The following ARHGAP15 variants were observed in gnomAD, a reference collection of about 807,000 sequenced individuals.
The protein encoded by ARHGAP15 is Rho GTPase activating protein 15, also known as rho GTPase-activating protein 15.
A neutral mutation model predicts 63.7 loss-of-function variants in ARHGAP15; 51 were observed. The ratio of observed to expected loss-of-function variants is 0.80; its 90% CI spans 0.64 to 1.01. The LOEUF (loss-of-function observed/expected upper bound fraction) is 1.01, where lower values mean the gene tolerates loss of function less well. ARHGAP15 is among the 50% of genes least tolerant of loss of function. The pLI, the probability that ARHGAP15 is intolerant of heterozygous loss-of-function variation, is 0.00. For synonymous variants in ARHGAP15, 191 were observed against 193.8 expected, an observed-to-expected ratio of 0.99 and a Z score of 0.12; for missense variants, 560 against 564.6, an observed-to-expected ratio of 0.99 and a Z score of 0.08.
chr2:143,600,687 A>G (rs1411439822), intron 11 of ARHGAP15, among the ~76,000 whole-genome samples: 2 of 152,106 alleles, frequency 1.3e-5, no homozygotes, highest in African/African-American at 4.8e-5. Context: ...GAGCTTAGAG[A>G]CTCATAAAGT....
At chr2:143,436,860 T>G (rs2105092984) in intron 7 of ARHGAP15, 53 bp from the exon 8 acceptor site, 1 of 1,575,572 alleles carries the variant, frequency 6.3e-7, no homozygotes, top group East Asian at 2.2e-5. Flanking sequence ...AATTCTATGG[T>G]GAATCCTTTC....
chr2:143,461,076 G>C (rs1690909348), intron 8 of ARHGAP15, among the ~76,000 whole-genome samples: 2 of 151,704 alleles, frequency 1.3e-5, no homozygotes, highest in South Asian at 4.2e-4. Flanking sequence ...GATCGCCTCG[G>C]GTCAGGAGTT....
At chr2:143,418,624 T>C (rs1008644537) in intron 6 of ARHGAP15, among the ~76,000 whole-genome samples, 1 of 152,048 alleles carries the variant, frequency 6.6e-6, no homozygotes, top group African/African-American at 2.4e-5. Context: ...TTTCTAAGAA[T>C]TAAAATATAA....
At chr2:143,652,545 A>G (rs921462008) in intron 12 of ARHGAP15, among the ~76,000 whole-genome samples, 4 of 152,110 alleles carry the variant, frequency 2.6e-5, no homozygotes, top group Non-Finnish European at 4.4e-5. Context: ...TTTTCACAAT[A>G]TAGGGTTTTC....
Position 143,330,115 on chromosome 2 carries a change from A to C in ARHGAP15, c.474+79515A>C, listed in dbSNP as rs1412799728. The stretch of plus-strand genomic sequence containing the variant: ...GTCTCAAAAAAAAAAAAAAAAAAAA[A>C]AAAAAAAAAAAAAAAACCAAAAACA... On this transcript the variant is annotated intron_variant, in intron 6 of 13. Coordinates refer to ENST00000295095, the MANE Select transcript of ARHGAP15 (RefSeq NM_018460.4). Among the ~76,000 whole-genome samples the C allele has an allele frequency of 2.1e-4, 18 of 86,172 alleles. 1 individual carries two copies. Among genetic ancestry groups the C allele is most frequent in the South Asian group, 7.4e-4 (2 of 2,712 alleles). The allele number at this position is 86,172 out of a possible 152,430, so 56.5% of individuals were successfully genotyped here. A position where few individuals can be genotyped will look rare whatever the true frequency, so the allele number is the denominator to read the frequency against.
intron 12 of ARHGAP15, among the ~76,000 whole-genome samples, chr2:143,688,154 C>T (rs181884905): frequency 6.8e-4 from 103 of 152,112 alleles, no homozygotes; most frequent in African/African-American, 2.4e-3. Context: ...TATGTAATAC[C>T]TAATTGCTTG....
At chr2:143,337,410 T>C (rs1684853162) in intron 6 of ARHGAP15, among the ~76,000 whole-genome samples, 1 of 152,166 alleles carries the variant, frequency 6.6e-6, no homozygotes, top group South Asian at 2.1e-4. Context: ...TGGCATGTGG[T>C]ATTGTTTCTA....
intron 12 of ARHGAP15, among the ~76,000 whole-genome samples, chr2:143,652,406 T>C (rs974667990): frequency 6.6e-6 from 1 of 152,088 alleles, no homozygotes; most frequent in African/African-American, 2.4e-5. Flanking sequence ...CTGGCATTTG[T>C]GCTAAGTCCT....
intron 9 of ARHGAP15, chr2:143,519,024 T>C (rs1693943064): frequency 6.0e-6 from 2 of 334,368 alleles, no homozygotes; most frequent in Admixed American, 4.4e-5. Flanking sequence ...ATAACTTACA[T>C]AGTCATCCCT....
intron 2 of ARHGAP15, among the ~76,000 whole-genome samples, chr2:143,201,243 G>A (rs1220574487): frequency 6.6e-5 from 10 of 151,316 alleles, no homozygotes; most frequent in Admixed American, 6.6e-5. Context: ...GGGGTAGCTG[G>A]GGACTGACTG....
intron 12 of ARHGAP15, among the ~76,000 whole-genome samples, chr2:143,661,208 CT>C (rs1681752256): frequency 6.6e-6 from 1 of 152,210 alleles, no homozygotes; most frequent in African/African-American, 2.4e-5. Flanking sequence ...CCAGGATAAT[CT>C]CCTCACCTCA....
At chr2:143,666,348 G>T (rs1049249145) in intron 12 of ARHGAP15, among the ~76,000 whole-genome samples, 3 of 152,024 alleles carry the variant, frequency 2.0e-5, no homozygotes, top group Non-Finnish European at 2.9e-5. Context: ...AATGGTGCTG[G>T]GATAACTGGC....
chr2:143,443,813 C>T (rs1289190769), intron 8 of ARHGAP15, among the ~76,000 whole-genome samples: 1 of 152,114 alleles, frequency 6.6e-6, no homozygotes, highest in Non-Finnish European at 1.5e-5. Flanking sequence ...TTCACTATGG[C>T]CCTGTGTGAC....
At chr2:143,588,394 CAT>C (rs1297570904) in intron 11 of ARHGAP15, among the ~76,000 whole-genome samples, 1 of 152,074 alleles carries the variant, frequency 6.6e-6, no homozygotes, top group Non-Finnish European at 1.5e-5. Context: ...TTCCAGGAGA[CAT>C]GTGCAGAACG....
At chr2:143,280,607 T>A (rs1681792537) in intron 6 of ARHGAP15, among the ~76,000 whole-genome samples, 1 of 152,160 alleles carries the variant, frequency 6.6e-6, no homozygotes, top group Non-Finnish European at 1.5e-5. Context: ...TTTCCCCGTA[T>A]GGTGACAACA....
chr2:143,718,775 A>C (rs1684921469), intron 13 of ARHGAP15, among the ~76,000 whole-genome samples: 1 of 152,220 alleles, frequency 6.6e-6, no homozygotes, highest in African/African-American at 2.4e-5. Flanking sequence ...TCATCTGTCC[A>C]CACATTTATT....
chr2:143,577,691 C>T (rs996043095), intron 11 of ARHGAP15, among the ~76,000 whole-genome samples: 7 of 152,036 alleles, frequency 4.6e-5, no homozygotes, highest in Non-Finnish European at 7.4e-5. Context: ...TATTATTAAC[C>T]AAAATTGTGT....
intron 2 of ARHGAP15, chr2:143,162,175 C>T (rs967001340): frequency 1.3e-5 from 2 of 151,950 alleles, no homozygotes; most frequent in African/African-American, 2.4e-5. Context: ...ATCCAGTGAG[C>T]GCTGATTATC....
chr2:143,728,705 A>AGT (rs1384832196), intron 13 of ARHGAP15, among the ~76,000 whole-genome samples: 1 of 152,136 alleles, frequency 6.6e-6, no homozygotes, highest in East Asian at 1.9e-4. Flanking sequence ...TCCTGTGTAC[A>AGT]GTAAGTGTTA....
Sources: gnomAD v4.1 joint callset for allele counts (sites outside exome capture counted in the v4.1 genomes callset) on GRCh38, gnomAD v4.1.1 for gene constraint, MANE v1.5 for transcripts, NCBI Gene and HGNC (gene_info 2026-07-23, HGNC 2026-07-21) for gene names.